ZC3H12D: variants seen among roughly 807,000 people sequenced by gnomAD.
ZC3H12D encodes probable ribonuclease ZC3H12D.
ZC3H12D carries 11 observed loss-of-function variants against 24.2 expected under a neutral mutation model. The observed-to-expected ratio is 0.46, with a 90% confidence interval of 0.29 to 0.75. The LOEUF (loss-of-function observed/expected upper bound fraction) is 0.75. Among genes scored for constraint, ZC3H12D ranks in the 30% least tolerant of loss-of-function variants. The pLI is 0.11. For missense variants in ZC3H12D, 740 were observed against 767.7 expected (o/e 0.96, Z 0.43); for synonymous variants, 333 against 341.8 (o/e 0.97, Z 0.28).
chr6:149,474,640 A>G, intron 1 of ZC3H12D, 27 bp from the exon 2 acceptor site: 5 of 1,215,478 alleles, frequency 4.1e-6, no homozygotes, highest in Non-Finnish European at 5.4e-6. Context: ...TGCATCCATC[A>G]GGTGTTTCCT....
intron 2 of ZC3H12D, among the ~76,000 whole-genome samples, chr6:149,462,709 C>G (rs1218581498): frequency 1.3e-5 from 2 of 152,220 alleles, no homozygotes; most frequent in Admixed American, 6.5e-5. Flanking sequence ...ACAAAACAGG[C>G]AGAAGAAAGT....
intron 2 of ZC3H12D, among the ~76,000 whole-genome samples, chr6:149,467,809 T>C (rs968112703): frequency 3.3e-5 from 5 of 151,994 alleles, no homozygotes; most frequent in African/African-American, 1.2e-4. Flanking sequence ...CATCTATACC[T>C]CAGGATCCAG....
chr6:149,467,967 G>T (rs1465608917), intron 2 of ZC3H12D, among the ~76,000 whole-genome samples: 1 of 152,090 alleles, frequency 6.6e-6, no homozygotes, highest in African/African-American at 2.4e-5. Context: ...GACAGGAGCT[G>T]GGAGTTTTGT....
intron 1 of ZC3H12D, among the ~76,000 whole-genome samples, chr6:149,477,679 C>T (rs1776362689): frequency 6.6e-6 from 1 of 151,004 alleles, no homozygotes; most frequent in South Asian, 2.1e-4. Flanking sequence ...GCATGTCTTG[C>T]TCACACCTCC....
At position 149,456,615 on chromosome 6, in the gene ZC3H12D, G is replaced by GC; in HGVS notation, c.680+50_680+51insG. The GC allele has an allele frequency of 1.6e-6, 1 of 637,060 alleles. No individual in the cohort carries two copies. Among genetic ancestry groups the GC allele is most frequent in the Non-Finnish European group, 2.8e-6 (1 of 355,090 alleles). The allele number at this position is 637,060 out of a possible 1,614,324, so 39.5% of individuals were successfully genotyped here. A position where few individuals can be genotyped will look rare whatever the true frequency, so the allele number is the denominator to read the frequency against. ...CAGGCGTGGCCACTGCCTCGACCCC[G>GC]GCCCCCCGCCCCGCCGCCCCCCAGG... is the stretch of plus-strand genomic sequence containing the variant. On this transcript the variant is annotated intron_variant, in intron 4 of 5. Coordinates refer to ENST00000409806, the MANE Select transcript of ZC3H12D (RefSeq NM_207360.3). The surrounding 1 kb of genome is among the most constrained non-coding windows in gnomAD (Gnocchi z 4.3).
intron 2 of ZC3H12D, among the ~76,000 whole-genome samples, chr6:149,472,691 T>C (rs1025756357): frequency 5.3e-5 from 8 of 152,096 alleles, no homozygotes; most frequent in South Asian, 2.1e-4. Context: ...GAGAATCTCT[T>C]TGGGGACTGG....
intron 2 of ZC3H12D, among the ~76,000 whole-genome samples, chr6:149,467,788 C>T (rs1776184031): frequency 6.6e-6 from 1 of 152,144 alleles, no homozygotes; most frequent in East Asian, 1.9e-4. Flanking sequence ...ACCATTGATT[C>T]CCCCCAACTC....
At chr6:149,472,152 T>C (rs1473831447) in intron 2 of ZC3H12D, among the ~76,000 whole-genome samples, 6 of 152,234 alleles carry the variant, frequency 3.9e-5, no homozygotes, top group East Asian at 3.9e-4. Flanking sequence ...AAAAGTCCCA[T>C]TGGAGGACAC....
intron 2 of ZC3H12D, among the ~76,000 whole-genome samples, chr6:149,471,448 T>C (rs536735938): frequency 6.6e-6 from 1 of 152,358 alleles, no homozygotes; most frequent in East Asian, 1.9e-4. Context: ...ACACATGGCC[T>C]AGTGCCTCCT....
intron 2 of ZC3H12D, among the ~76,000 whole-genome samples, chr6:149,469,623 T>G (rs1459912670): frequency 6.6e-6 from 1 of 152,226 alleles, no homozygotes; most frequent in African/African-American, 2.4e-5. Context: ...GGTATTCAGC[T>G]GAATGACCCG....
intron 2 of ZC3H12D, among the ~76,000 whole-genome samples, chr6:149,465,765 A>AG (rs1562474959): frequency 1.4e-4 from 17 of 120,946 alleles, no homozygotes; most frequent in African/African-American, 5.9e-4. Context: ...AAAAAAAAAA[A>AG]AGGGGGGGGG....
chr6:149,461,736 A>G (rs1776075515), intron 3 of ZC3H12D, 95 bp downstream of exon 3: 25 of 1,354,494 alleles, frequency 1.8e-5, no homozygotes, highest in Non-Finnish European at 2.5e-5. Flanking sequence ...AATATCATTA[A>G]ACAAACAACT....
intron 3 of ZC3H12D, among the ~76,000 whole-genome samples, chr6:149,458,128 C>CTTTTTTTTTTTTTTTTTTT (rs1189920889): frequency 2.5e-4 from 10 of 39,748 alleles, no homozygotes; most frequent in South Asian, 1.3e-3. Flanking sequence ...TTTTTCGTTT[C>CTTTTTTTTTTTTTTTTTTT]TTTTTTTTTT....
At chr6:149,465,837 AAGG>A (rs888422762) in intron 2 of ZC3H12D, among the ~76,000 whole-genome samples, 2 of 151,650 alleles carry the variant, frequency 1.3e-5, no homozygotes, top group Admixed American at 1.3e-4. Flanking sequence ...GGGAAGATGG[AAGG>A]AGGAGGAGGT....
chr6:149,483,248 A>T (rs1776452257), intron 1 of ZC3H12D: 1 of 152,306 alleles, frequency 6.6e-6, no homozygotes, highest in East Asian at 1.9e-4. Flanking sequence ...ACGGTAGTTC[A>T]TGGGACAAGT....
chr6:149,456,627 C>CCCCCCCCCCCCCGGGGGGACG lies in ZC3H12D; in HGVS notation c.680+38_680+39insCGTCCCCCCGGGGGGGGGGGG. ...CTGCCTCGACCCCGGCCCCCCGCCC[C>CCCCCCCCCCCCCGGGGGGACG]GCCGCCCCCCAGGGTGTCAGGACCC... On this transcript the variant is annotated intron_variant, in intron 4 of 5. Coordinates refer to ENST00000409806, the MANE Select transcript of ZC3H12D (RefSeq NM_207360.3). This position sits in a 1 kb window ranked among gnomAD's most constrained non-coding sequence, Gnocchi z 4.3. The CCCCCCCCCCCCCGGGGGGACG allele has an allele frequency of 7.1e-7, 1 of 1,403,090 alleles. No homozygotes were observed. Among genetic ancestry groups the CCCCCCCCCCCCCGGGGGGACG allele is most frequent in the Non-Finnish European group, 1.0e-6 (1 of 997,694 alleles). The allele number at this position is 1,403,090 out of a possible 1,614,324, so 86.9% of individuals were successfully genotyped here.
In ZC3H12D at chr6:149,482,241, G is replaced by A. The variant is rs527891196; in HGVS notation, c.-71+2572C>T. ...TAAAACTTCTAAATACGGAAGAAGC[G>A]GGGACAGGAGTGGGGTGCTGCTCTT... On this transcript the variant is annotated intron_variant, in intron 1 of 5. Coordinates refer to ENST00000409806, the MANE Select transcript of ZC3H12D (RefSeq NM_207360.3). Among the ~76,000 whole-genome samples the A allele has an allele frequency of 5.5e-4, 84 of 152,352 alleles. 1 individual carries two copies. Among genetic ancestry groups the A allele is most frequent in the East Asian group, 3.1e-3 (16 of 5,188 alleles).
At chr6:149,453,568 C>T (rs1195566412) in intron 4 of ZC3H12D, among the ~76,000 whole-genome samples, 2 of 151,968 alleles carry the variant, frequency 1.3e-5, no homozygotes, top group African/African-American at 2.4e-5. Flanking sequence ...GCGAAGGTTG[C>T]AGTGAGCCGA....
At chr6:149,455,766 G>A (rs1302138705) in intron 4 of ZC3H12D, among the ~76,000 whole-genome samples, 3 of 152,130 alleles carry the variant, frequency 2.0e-5, no homozygotes, top group Non-Finnish European at 2.9e-5. Flanking sequence ...GCTGGGCTCA[G>A]TGGCTGACAC....
Sources: allele counts gnomAD v4.1 joint callset (sites outside exome capture counted in the v4.1 genomes callset), GRCh38; gene constraint gnomAD v4.1.1; non-coding constraint Gnocchi (gnomAD v3.1); transcripts MANE v1.5; gene names NCBI Gene and HGNC (gene_info 2026-07-23, HGNC 2026-07-21).